Variants in PHACTR1 observed in about 807,000 individuals in gnomAD.
PHACTR1 encodes the protein RPEL repeat containing 1.
A neutral mutation model predicts 69.2 loss-of-function variants in PHACTR1; 16 were observed. The observed-to-expected ratio is 0.23, with a 90% confidence interval of 0.16 to 0.35. The LOEUF is 0.35. Ranked by LOEUF, PHACTR1 falls within the 10% of genes least tolerant of loss-of-function variation. PHACTR1 has a pLI of 1.00. For missense variants in PHACTR1, 510 were observed against 734.7 expected, an observed-to-expected ratio of 0.69 and a Z score of 3.54; for synonymous variants, 312 against 284.5, an observed-to-expected ratio of 1.10 and a Z score of -0.97.
At chr6:13,232,098 T>C (rs922359392) in intron 10 of PHACTR1, among the ~76,000 whole-genome samples, 1 of 152,220 alleles carries the variant, frequency 6.6e-6, no homozygotes. Flanking sequence ...TCTGCATATG[T>C]AAAAGAGTGA....
chr6:13,163,376 A>G (rs1471479521), intron 6 of PHACTR1, among the ~76,000 whole-genome samples: 1 of 152,198 alleles, frequency 6.6e-6, no homozygotes, highest in Non-Finnish European at 1.5e-5. Context: ...TGCACTTATC[A>G]CTGTCTGTTC....
At chr6:12,821,655 T>C (rs1449136242) in intron 4 of PHACTR1, among the ~76,000 whole-genome samples, 1 of 152,162 alleles carries the variant, frequency 6.6e-6, no homozygotes, top group Non-Finnish European at 1.5e-5. Flanking sequence ...ACAGGATATT[T>C]TGTTGGGAAA....
At chr6:13,138,463 G>A (rs900276630) in intron 5 of PHACTR1, among the ~76,000 whole-genome samples, 4 of 152,184 alleles carry the variant, frequency 2.6e-5, no homozygotes, top group African/African-American at 9.7e-5. Context: ...AACCTTCTCA[G>A]GCAGGCATTT....
intron 5 of PHACTR1, among the ~76,000 whole-genome samples, chr6:13,065,330 G>C (rs1473238490): frequency 2.6e-5 from 4 of 152,072 alleles, no homozygotes; most frequent in African/African-American, 4.8e-5. Context: ...AGAGCCTACA[G>C]AGAAGACAGA....
At chr6:12,952,789 T>C (rs1024429304) in intron 4 of PHACTR1, among the ~76,000 whole-genome samples, 6 of 152,204 alleles carry the variant, frequency 3.9e-5, no homozygotes, top group Non-Finnish European at 7.3e-5. Context: ...AATTTCCAAA[T>C]TGTCTTCCAA....
chr6:12,987,486 T>C (rs1796322800), intron 4 of PHACTR1, among the ~76,000 whole-genome samples: 1 of 152,054 alleles, frequency 6.6e-6, no homozygotes, highest in Non-Finnish European at 1.5e-5. Flanking sequence ...TGAAGACAAA[T>C]GTTTCTGTTT....
intron 4 of PHACTR1, among the ~76,000 whole-genome samples, chr6:13,016,974 G>A (rs1800266705): frequency 6.6e-6 from 1 of 152,062 alleles, no homozygotes; most frequent in Admixed American, 6.6e-5. Context: ...ATCACTTGAG[G>A]TCAAGAGTTT....
chr6:13,190,196 G>GTTTTTTTTTTTTTTTTTTT (rs1220683843), intron 7 of PHACTR1, among the ~76,000 whole-genome samples: 4 of 31,796 alleles, frequency 1.3e-4, no homozygotes, highest in African/African-American at 2.1e-4. Context: ...GCTAATTTTT[G>GTTTTTTTTTTTTTTTTTTT]TATTTTTTTT....
chr6:12,987,163 T>A (rs754832545), intron 4 of PHACTR1, among the ~76,000 whole-genome samples: 1 of 152,192 alleles, frequency 6.6e-6, no homozygotes, highest in African/African-American at 2.4e-5. Context: ...TTTAGAAAGA[T>A]ACAGAATATT....
chr6:12,960,888 T>G (rs1225143806), intron 4 of PHACTR1, among the ~76,000 whole-genome samples: 4 of 152,192 alleles, frequency 2.6e-5, no homozygotes, highest in Non-Finnish European at 4.4e-5. Flanking sequence ...GTTTGTATTT[T>G]CTTTTTGCAG....
At chr6:13,189,720 A>T (rs1307498396) in intron 7 of PHACTR1, among the ~76,000 whole-genome samples, 1 of 152,172 alleles carries the variant, frequency 6.6e-6, no homozygotes. Flanking sequence ...TCTTTAAAAA[A>T]ATCAGCTTTC....
At chr6:12,787,994 T>TA (rs1035356356) in intron 4 of PHACTR1, among the ~76,000 whole-genome samples, 13 of 151,734 alleles carry the variant, frequency 8.6e-5, no homozygotes, top group Non-Finnish European at 5.9e-5. Context: ...CTGTCTCTAG[T>TA]AAAAAATAGA....
chr6:13,190,283 C>T (rs1317500343), intron 7 of PHACTR1, among the ~76,000 whole-genome samples: 1 of 145,860 alleles, frequency 6.9e-6, no homozygotes, highest in East Asian at 2.1e-4. Context: ...GATCTGCCCG[C>T]CTCAGCCTCC....
At chr6:12,790,477 T>A (rs1353729303) in intron 4 of PHACTR1, among the ~76,000 whole-genome samples, 1 of 152,220 alleles carries the variant, frequency 6.6e-6, no homozygotes, top group Admixed American at 6.5e-5. Flanking sequence ...CCACCCTATT[T>A]AAAATTGCAA....
chr6:13,098,931 G>C (rs572237156), intron 5 of PHACTR1, among the ~76,000 whole-genome samples: 16 of 152,332 alleles, frequency 1.1e-4, no homozygotes, highest in Admixed American at 4.6e-4. Flanking sequence ...CTGCCCTGTA[G>C]CCATGGTAAT....
At chr6:12,909,894 C>G (rs1169436184) in intron 4 of PHACTR1, among the ~76,000 whole-genome samples, 1 of 152,246 alleles carries the variant, frequency 6.6e-6, no homozygotes, top group Non-Finnish European at 1.5e-5. Flanking sequence ...CACTATTCTT[C>G]AACTTCTAAC....
At chr6:12,785,852 A>C (rs1443278834) in intron 4 of PHACTR1, among the ~76,000 whole-genome samples, 1 of 151,922 alleles carries the variant, frequency 6.6e-6, no homozygotes, top group African/African-American at 2.4e-5. Flanking sequence ...TCATAGCTTT[A>C]TTTATTTATT....
At chr6:12,821,940 C>G (rs1776271108) in intron 4 of PHACTR1, among the ~76,000 whole-genome samples, 1 of 152,182 alleles carries the variant, frequency 6.6e-6, no homozygotes, top group African/African-American at 2.4e-5. Flanking sequence ...ATTCTGAAAA[C>G]TCTTTGAAAG....
At chr6:12,957,029 T>G (rs1791970822) in intron 4 of PHACTR1, among the ~76,000 whole-genome samples, 1 of 148,282 alleles carries the variant, frequency 6.7e-6, no homozygotes, top group Non-Finnish European at 1.5e-5. Context: ...TTAATTGTCA[T>G]TGTGTCGCGT....
Sources: gnomAD v4.1 joint callset for allele counts (sites outside exome capture counted in the v4.1 genomes callset) on GRCh38, gnomAD v4.1.1 for gene constraint, MANE v1.5 for transcripts, NCBI Gene and HGNC (gene_info 2026-07-23, HGNC 2026-07-21) for gene names.